The following IGSF10 variants were observed in gnomAD, a reference collection of about 807,000 sequenced individuals.
The protein encoded by IGSF10 is immunoglobulin superfamily member 10.
Under a neutral mutation model 128.2 loss-of-function variants are expected in IGSF10, and 126 were observed. The ratio of observed to expected loss-of-function variants is 0.98; its 90% confidence interval spans 0.85 to 1.14. The LOEUF (loss-of-function observed/expected upper bound fraction) is 1.14. IGSF10 is among the 50% of genes most tolerant of loss of function. IGSF10 has a pLI of 0.00. For missense variants in IGSF10, 3,295 were observed against 3,149.8 expected, an observed-to-expected ratio of 1.05 and a Z score of -1.10; for synonymous variants, 1,185 against 1,146.2, an observed-to-expected ratio of 1.03 and a Z score of -0.68.
chr3:151,579,360 C>A, the IGSF10 span, among the ~76,000 whole-genome samples: 1 of 152,054 alleles, frequency 6.6e-6, no homozygotes, highest in Non-Finnish European at 1.5e-5. Flanking sequence ...ATCAAGAGAA[C>A]CAGACTCACA....
the IGSF10 span, among the ~76,000 whole-genome samples, chr3:151,582,503 A>G: frequency 6.6e-6 from 1 of 152,124 alleles, no homozygotes; most frequent in Admixed American, 6.5e-5. Flanking sequence ...AATATAATAT[A>G]TACCATTTTG....
chr3:151,494,050 T>C, the IGSF10 span, among the ~76,000 whole-genome samples: 1 of 152,056 alleles, frequency 6.6e-6, no homozygotes. Flanking sequence ...TTACTGATGT[T>C]TAATAAATAC....
Position 151,447,575 on chromosome 3 carries a change from T to C in IGSF10, c.2406A>G (p.Leu802=), listed in dbSNP as rs1721271004. 6.2e-7 allele frequency: 1 copy of C among 1,614,172 alleles called. No individual in the cohort carries two copies. Among genetic ancestry groups the C allele is most frequent in the Non-Finnish European group, 8.5e-7 (1 of 1,180,022 alleles). ...EEDDSSGMLA[L]HEEFMVPATK... ...TGGCCGGGACCATAAATTCCTCATG[T>C]AGAGCGAGCATGCCTGAGGAATCGT... Residue 802 remains leucine, a synonymous_variant, in exon 6 of 8, where the codon CTA becomes CTG. Coordinates refer to ENST00000282466, the MANE Select transcript of IGSF10 (RefSeq NM_178822.5).
Position 151,438,435 on chromosome 3 carries a change from G to A in IGSF10, c.6126C>T (p.His2042=). ...SLRLKPAKID[H]KQYFRKQVLH... is the part of the protein sequence containing the mutation. ...GCACTTGCTTTCTAAAATACTGCTT[G>A]TGGTCAATTTTGGCAGGTTTCAGTC... Residue 2042 remains histidine, a synonymous_variant, in exon 8 of 8, where the codon CAC becomes CAT. Coordinates refer to ENST00000282466, the MANE Select transcript of IGSF10 (RefSeq NM_178822.5). 1 of 1,614,094 alleles carries A rather than the reference G, an allele frequency of 6.2e-7. No individual in the cohort carries two copies. Among genetic ancestry groups the A allele is most frequent in the Non-Finnish European group, 8.5e-7 (1 of 1,180,014 alleles).
the IGSF10 span, among the ~76,000 whole-genome samples, chr3:151,537,374 T>C: frequency 2.0e-5 from 3 of 152,128 alleles, no homozygotes; most frequent in Admixed American, 2.0e-4. Context: ...GCTATTGATT[T>C]TTGTCAAAAT....
chr3:151,525,497 TG>T, the IGSF10 span, among the ~76,000 whole-genome samples: 1 of 137,766 alleles, frequency 7.3e-6, no homozygotes, highest in African/African-American at 2.5e-5. Context: ...ACATTTCCTG[TG>T]GGCCAGTAGT....
Position 151,443,051 on chromosome 3 carries a change from T to G in IGSF10, c.5896A>C (p.Thr1966Pro). The G allele has an allele frequency of 1.9e-6, 3 of 1,614,248 alleles. No individual in the cohort carries two copies. Among genetic ancestry groups the G allele is most frequent in the Non-Finnish European group, 2.5e-6 (3 of 1,180,032 alleles). The change falls in exon 7 of 8, where the codon ACT (threonine) becomes CCT (proline). Residue 1966 changes from threonine (T) to proline (P), a missense_variant. Thr to Pro is a conservative substitution (Grantham distance 38, BLOSUM62 -1). Coordinates refer to ENST00000282466, the MANE Select transcript of IGSF10 (RefSeq NM_178822.5). Reference protein sequence around the residue: ...GDKLLLNCSATGEPKPQIMWR... With the variant: ...GDKLLLNCSAPGEPKPQIMWR... ...ATTATTTGGGGTTTGGGCTCCCCAGTGGCTGAGCAGTTCAGTAGTAATTTG... is the reference window on the plus strand; with the variant it reads ...ATTATTTGGGGTTTGGGCTCCCCAGGGGCTGAGCAGTTCAGTAGTAATTTG...
the IGSF10 span, among the ~76,000 whole-genome samples, chr3:151,557,980 T>C: frequency 1.5e-5 from 2 of 132,166 alleles, no homozygotes; most frequent in African/African-American, 2.9e-5. Context: ...TTTTAACAGA[T>C]GCAAAGCAAA....
At chr3:151,615,076 TG>T in the IGSF10 span, among the ~76,000 whole-genome samples, 1 of 151,850 alleles carries the variant, frequency 6.6e-6, no homozygotes, top group Non-Finnish European at 1.5e-5. Context: ...CCACATTTTT[TG>T]GTAAGTTTTG....
the IGSF10 span, among the ~76,000 whole-genome samples, chr3:151,596,595 G>A: frequency 2.6e-5 from 4 of 152,200 alleles, no homozygotes; most frequent in South Asian, 2.1e-4. Context: ...TGACACCAGC[G>A]TCTTAGAGAC....
At chr3:151,595,512 C>A in the IGSF10 span, among the ~76,000 whole-genome samples, 1 of 148,068 alleles carries the variant, frequency 6.8e-6, no homozygotes, top group South Asian at 2.1e-4. Flanking sequence ...ATAATAGCAT[C>A]AATACTCTAA....
rs1469636525 is a variant in IGSF10 at position 151,445,314 on chromosome 3, G to A, written c.4667C>T (p.Thr1556Ile). 1 of 1,614,226 alleles carries A rather than the reference G, an allele frequency of 6.2e-7. No individual in the cohort carries two copies. Among genetic ancestry groups the A allele is most frequent in the Non-Finnish European group, 8.5e-7 (1 of 1,180,038 alleles). ...TTTAGAATTCTGTGATTTAACTGTT[G>A]TTAGTGCTGGCATGGGAGTAGAATG... ...LLHSTPMPALTTVKSQNSKLT... is the reference protein window; with the variant it reads ...LLHSTPMPALITVKSQNSKLT... Residue 1556 changes from threonine (T) to isoleucine (I), a missense_variant, in exon 6 of 8, where the codon ACA (threonine) becomes ATA (isoleucine). By Grantham distance (89) the Thr-to-Ile change is moderately conservative. Transcript: ENST00000282466.
chr3:151,483,306 G>A, the IGSF10 span, among the ~76,000 whole-genome samples: 3 of 152,224 alleles, frequency 2.0e-5, no homozygotes, highest in East Asian at 1.9e-4. Context: ...ATAAATAGGG[G>A]AAGGATAAAA....
chr3:151,446,043 G>A lies in IGSF10; in HGVS notation c.3938C>T (p.Ser1313Leu), dbSNP rs528630555. Residue 1313 changes from serine to leucine, a missense_variant, in exon 6 of 8, where the codon TCA becomes TTA. Transcript: ENST00000282466. ...SKDSSTKSII[S>L]TQTAIPATTP... ...TGTTGCTGGTATTGCTGTTTGCGTT[G>A]ATATGATGCTTTTTGTACTTGAGTC... 10 of 1,614,118 alleles carry A rather than the reference G, an allele frequency of 6.2e-6. No homozygotes were observed. In the South Asian group the frequency reaches 9.9e-5, roughly 16 times the overall value.
chr3:151,504,153 G>T, the IGSF10 span, among the ~76,000 whole-genome samples: 120,945 of 152,100 alleles, frequency 0.8, 48,227 homozygotes, highest in Middle Eastern at 0.9. Flanking sequence ...TGGAAAAGGC[G>T]ATTACCACCT....
chr3:151,608,344 T>C, the IGSF10 span, among the ~76,000 whole-genome samples: 2 of 152,240 alleles, frequency 1.3e-5, no homozygotes, highest in African/African-American at 4.8e-5. Flanking sequence ...TGCATGGAGC[T>C]GAGCATGGTT....
the IGSF10 span, among the ~76,000 whole-genome samples, chr3:151,520,629 C>A: frequency 6.6e-6 from 1 of 151,806 alleles, no homozygotes; most frequent in South Asian, 2.1e-4. Flanking sequence ...TCCAGCCAAA[C>A]TAAGCTTCCC....
At chr3:151,547,298 G>A in the IGSF10 span, among the ~76,000 whole-genome samples, 1 of 151,960 alleles carries the variant, frequency 6.6e-6, no homozygotes. Flanking sequence ...GTATGTAAAT[G>A]CTTTTCACAG....
chr3:151,605,294 T>A, the IGSF10 span, among the ~76,000 whole-genome samples: 2 of 152,182 alleles, frequency 1.3e-5, no homozygotes, highest in Non-Finnish European at 2.9e-5. Context: ...AATTTGCAAA[T>A]ATAGAATCTG....
Sources: gnomAD v4.1 joint callset for allele counts (sites outside exome capture counted in the v4.1 genomes callset) on GRCh38, gnomAD v4.1.1 for gene constraint, MANE v1.5 for transcripts, NCBI Gene and HGNC (gene_info 2026-07-23, HGNC 2026-07-21) for gene names.